CERKL: variants seen among roughly 807,000 people sequenced by gnomAD.
CERKL encodes CERK like autophagy regulator.
CERKL carries 61 observed loss-of-function variants against 63.4 expected under a neutral mutation model. The observed-to-expected ratio is 0.96, with a 90% CI of 0.78 to 1.19. The LOEUF is 1.19. Among genes scored for constraint, CERKL ranks in the 50% most tolerant of loss-of-function variants. The pLI is 0.00. For missense variants in CERKL, 675 were observed against 655.5 expected (o/e 1.03, Z -0.33); for synonymous variants, 250 against 230.5 (o/e 1.08, Z -0.77).
At chr2:181,606,073 TGAAAAAGAAA>T (rs1180670994) in intron 1 of CERKL, among the ~76,000 whole-genome samples, 2 of 89,088 alleles carry the variant, frequency 2.2e-5, no homozygotes, top group Non-Finnish European at 4.7e-5. Context: ...AAAGGAAGAG[TGAAAAAGAAA>T]GAGAAAGAAA....
At chr2:181,620,373 C>T (rs183314406) in intron 1 of CERKL, among the ~76,000 whole-genome samples, 101 of 152,258 alleles carry the variant, frequency 6.6e-4, no homozygotes, top group African/African-American at 2.1e-3. Flanking sequence ...CCAGCAGTCA[C>T]GGTGAGGATA....
chr2:181,582,116 C>G (rs1684538709), intron 2 of CERKL, among the ~76,000 whole-genome samples: 1 of 152,232 alleles, frequency 6.6e-6, no homozygotes. Flanking sequence ...TCACCAAACT[C>G]TGAACCACTG....
intron 4 of CERKL, among the ~76,000 whole-genome samples, chr2:181,564,077 C>T (rs1191942005): frequency 3.3e-5 from 5 of 152,078 alleles, no homozygotes; most frequent in Non-Finnish European, 5.9e-5. Context: ...CTAGATCCCT[C>T]GCATGACCAG....
chr2:181,557,757 C>T (rs2105818763), intron 5 of CERKL, among the ~76,000 whole-genome samples: 1 of 152,262 alleles, frequency 6.6e-6, no homozygotes, highest in East Asian at 1.9e-4. Context: ...TAGGAGCCTC[C>T]ATGGTTGGGC....
At chr2:181,617,906 T>G (rs1161912926) in intron 1 of CERKL, among the ~76,000 whole-genome samples, 4 of 152,252 alleles carry the variant, frequency 2.6e-5, no homozygotes, top group Non-Finnish European at 5.9e-5. Flanking sequence ...TGCACATCTG[T>G]GTAAAACTGT....
intron 1 of CERKL, among the ~76,000 whole-genome samples, chr2:181,632,670 A>G (rs1381723052): frequency 1.3e-5 from 2 of 152,180 alleles, no homozygotes; most frequent in Non-Finnish European, 2.9e-5. Context: ...GAAAATTGTT[A>G]AAGAGTCTTT....
At position 181,536,859 on chromosome 2, in the gene CERKL, C is replaced by T; in HGVS notation, c.*1325G>A. ...CTCTGCCTTCATAAGAGAGCTGTGG[C>T]CGAATTTTGAACATCTGTTATAGGG... On this transcript the variant is annotated 3_prime_UTR_variant, in exon 13 of 13. Coordinates refer to ENST00000410087, the MANE Select transcript of CERKL (RefSeq NM_201548.5). 2.3e-6 allele frequency: 1 copy of T among 428,148 alleles called. No homozygotes were observed. The highest frequency in any genetic ancestry group is 1.7e-5 in the South Asian group (1 of 58,378). 26.5% of individuals were successfully genotyped at this position (428,148 alleles called of 1,614,324 possible). A position where few individuals can be genotyped will look rare whatever the true frequency, so the allele number is the denominator to read the frequency against.
At chr2:181,557,064 A>G (rs1465352250) in intron 5 of CERKL, among the ~76,000 whole-genome samples, 1 of 152,134 alleles carries the variant, frequency 6.6e-6, no homozygotes, top group Non-Finnish European at 1.5e-5. Flanking sequence ...GTCTGTTCAT[A>G]TCCTTCGCCC....
rs2105858472 is a variant in CERKL, at chr2:181,580,450, T to C, written c.482-6566A>G. 2.6e-5 allele frequency among the ~76,000 whole-genome samples: 4 copies of C among 152,238 alleles called. No individual in the cohort carries two copies. The Middle Eastern group carries it at 0.01, about 388-fold the overall frequency. On this transcript the variant is annotated intron_variant, in intron 2 of 12. Coordinates refer to ENST00000410087, the MANE Select transcript of CERKL (RefSeq NM_201548.5). ...TTTCCAGCTTAACAATTATTTTATC[T>C]GTAAATAATAATCATTTAATTTCCC...
In CERKL at chr2:181,539,297, G is replaced by A. The variant is rs1687378805; in HGVS notation, c.1366-33C>T. The A allele has an allele frequency of 8.6e-6, 12 of 1,401,358 alleles. No individual in the cohort carries two copies. The Admixed American group carries it at 1.8e-4, about 22-fold the overall frequency. The allele number at this position is 1,401,358 out of a possible 1,614,324, so 86.8% of individuals were successfully genotyped here. On this transcript the variant is annotated intron_variant, in intron 11 of 12. Coordinates refer to ENST00000410087, the MANE Select transcript of CERKL (RefSeq NM_201548.5). Reference sequence around the variant, plus strand: ...TAAATACAAATAATCATTATACTTGGTTTATCTCTAGCTACTAACGCGAAT... The same window carrying A: ...TAAATACAAATAATCATTATACTTGATTTATCTCTAGCTACTAACGCGAAT...
In CERKL at chr2:181,537,330, T is replaced by C; in HGVS notation, c.*854A>G. 1 of 453,848 alleles carries C rather than the reference T, an allele frequency of 2.2e-6. No individual in the cohort carries two copies. Among genetic ancestry groups the C allele is most frequent in the Non-Finnish European group, 4.4e-6 (1 of 226,698 alleles). 28.1% of individuals were successfully genotyped at this position (453,848 alleles called of 1,614,324 possible). On this transcript the variant is annotated 3_prime_UTR_variant, in exon 13 of 13. Transcript: ENST00000410087. ...TGAGCACAGTGAAAGCAGAGTACTA[T>C]GGTTGTCCAACACAGGCCTCTCAGA...
rs1301498190 is a variant in CERKL, at chr2:181,537,219, T to TTCTCCA, written c.*959_*964dup. The TTCTCCA allele has an allele frequency of 2.2e-6, 1 of 452,990 alleles. No individual in the cohort carries two copies. The highest frequency in any genetic ancestry group is 4.4e-6 in the Non-Finnish European group (1 of 225,972). The allele number at this position is 452,990 out of a possible 1,614,324, so 28.1% of individuals were successfully genotyped here. On this transcript the variant is annotated 3_prime_UTR_variant, in exon 13 of 13. Coordinates refer to ENST00000410087, the MANE Select transcript of CERKL (RefSeq NM_201548.5). ...AATCAAGCCCCGATTTAGAACTGTC[T>TTCTCCA]TCTCCAGGATGGTCTCTAAGGAAAT... is the stretch of plus-strand genomic sequence containing the variant.
intron 1 of CERKL, among the ~76,000 whole-genome samples, chr2:181,631,037 A>T (rs1460619614): frequency 1.3e-5 from 2 of 152,150 alleles, no homozygotes; most frequent in Non-Finnish European, 2.9e-5. Context: ...GAGGCCATTG[A>T]ATTATTTTAG....
intron 2 of CERKL, among the ~76,000 whole-genome samples, chr2:181,592,328 A>C (rs537571155): frequency 1.3e-5 from 2 of 152,320 alleles, no homozygotes; most frequent in African/African-American, 4.8e-5. Context: ...TAGCAACATG[A>C]GAATGGTATC....
At chr2:181,655,269 T>C (rs1442200630) in intron 1 of CERKL, among the ~76,000 whole-genome samples, 2 of 152,268 alleles carry the variant, frequency 1.3e-5, no homozygotes, top group African/African-American at 4.8e-5. Context: ...TCTTTTCTCA[T>C]GTCATTGTTT....
intron 3 of CERKL, among the ~76,000 whole-genome samples, chr2:181,568,761 T>C (rs1258164969): frequency 6.6e-6 from 1 of 151,670 alleles, no homozygotes; most frequent in Non-Finnish European, 1.5e-5. Context: ...TGTATACATG[T>C]GCCATGCTGG....
intron 1 of CERKL, among the ~76,000 whole-genome samples, chr2:181,639,649 ACT>A (rs1423844974): frequency 1.3e-5 from 2 of 152,088 alleles, no homozygotes; most frequent in Non-Finnish European, 2.9e-5. Context: ...TGTCAGATAG[ACT>A]CTTGCTTGCT....
At chr2:181,625,218 C>A (rs1686631793) in intron 1 of CERKL, among the ~76,000 whole-genome samples, 1 of 152,094 alleles carries the variant, frequency 6.6e-6, no homozygotes, top group Non-Finnish European at 1.5e-5. Context: ...TTGTCAGACT[C>A]TTAGTAGGTC....
rs1687937550 is a variant in CERKL at position 181,550,518 on chromosome 2, A to T, written c.821-810T>A. Among the ~76,000 whole-genome samples, 1 of 152,208 alleles carries T rather than the reference A, an allele frequency of 6.6e-6. No individual in the cohort carries two copies. The highest frequency in any genetic ancestry group is 1.5e-5 in the Non-Finnish European group (1 of 68,026). ...GAGAATTTAAAATTATTAAGAACAG[A>T]ATGAATGAAGCTACAATTTTTCTTG... On this transcript the variant is annotated intron_variant, in intron 5 of 12. Coordinates refer to ENST00000410087, the MANE Select transcript of CERKL (RefSeq NM_201548.5). The surrounding 1 kb of genome is among the most constrained non-coding windows in gnomAD (Gnocchi z 4.5).
Sources: allele counts gnomAD v4.1 joint callset (sites outside exome capture counted in the v4.1 genomes callset), GRCh38; gene constraint gnomAD v4.1.1; non-coding constraint Gnocchi (gnomAD v3.1); transcripts MANE v1.5; gene names NCBI Gene and HGNC (gene_info 2026-07-23, HGNC 2026-07-21).